The following FAIM variants were observed in gnomAD, a reference collection of about 807,000 sequenced individuals.
FAIM encodes the protein fas apoptotic inhibitory molecule 1.
Under a neutral mutation model 21.2 loss-of-function variants are expected in FAIM, and 14 were observed. The ratio of observed to expected loss-of-function variants is 0.66; its 90% CI spans 0.44 to 1.03. The LOEUF (loss-of-function observed/expected upper bound fraction) is 1.03. Ranked by LOEUF, FAIM falls within the 50% of genes least tolerant of loss-of-function variation. FAIM has a pLI of 0.00. For synonymous variants in FAIM, 86 were observed against 80.4 expected, an observed-to-expected ratio of 1.07 and a Z score of -0.37; for missense variants, 222 against 247.1, an observed-to-expected ratio of 0.90 and a Z score of 0.68.
intron 4 of FAIM, among the ~76,000 whole-genome samples, chr3:138,623,050 A>T (rs2042904777): frequency 1.3e-5 from 2 of 152,092 alleles, no homozygotes; most frequent in Non-Finnish European, 2.9e-5. Context: ...AAAAAAAAAA[A>T]AAAGTAATAT....
chr3:138,632,420 T>C (rs1409843267), intron 5 of FAIM, among the ~76,000 whole-genome samples: 1 of 152,122 alleles, frequency 6.6e-6, no homozygotes, highest in African/African-American at 2.4e-5. Flanking sequence ...CAGTGGCTAC[T>C]GTATTGAACA....
chr3:138,631,139 CAAA>C (rs202159717), intron 5 of FAIM: 8 of 84,418 alleles, frequency 9.5e-5, no homozygotes, highest in Admixed American at 1.3e-4. Context: ...GACCCTGTCT[CAAA>C]AAAAAAAAAA....
At chr3:138,614,645 T>G (rs979515055) in intron 1 of FAIM, among the ~76,000 whole-genome samples, 3 of 152,056 alleles carry the variant, frequency 2.0e-5, no homozygotes, top group African/African-American at 7.2e-5. Context: ...TAGAAAAATT[T>G]AAAAGACATG....
At position 138,617,911 on chromosome 3, in the gene FAIM, A is replaced by G. The variant is rs549007161; in HGVS notation, c.-16-1800A>G. Among the ~76,000 whole-genome samples the G allele has an allele frequency of 5.5e-5, 8 of 146,726 alleles. No individual in the cohort carries two copies. The South Asian group carries it at 1.7e-3, about 31-fold the overall frequency. On this transcript the variant is annotated intron_variant, in intron 1 of 5. Coordinates refer to ENST00000360570, the MANE Select transcript of FAIM (RefSeq NM_001033031.2). ...TATAGATATAGATACTATATATACT[A>G]TATTATATATAGTATATTTAGTATA...
intron 5 of FAIM, 189 bp downstream of exon 5, chr3:138,629,345 G>A: frequency 4.1e-6 from 2 of 489,554 alleles, no homozygotes; most frequent in South Asian, 6.1e-5. Flanking sequence ...CCGTGAGTTT[G>A]GAAACAACTC....
Position 138,615,857 on chromosome 3 carries a change from C to T in FAIM, c.-16-3854C>T, listed in dbSNP as rs112228127. 3.5e-3 allele frequency among the ~76,000 whole-genome samples: 529 copies of T among 152,268 alleles called. 2 individuals are homozygous for T. Among genetic ancestry groups the T allele is most frequent in the African/African-American group, 0.012 (506 of 41,548 alleles). On this transcript the variant is annotated intron_variant, in intron 1 of 5. Transcript: ENST00000360570. The stretch of plus-strand genomic sequence containing the variant: ...AATTGGAATGGAATGTGTAAACTGA[C>T]AGAGGTCATAAGACTAGTGAAACTG...
chr3:138,622,241 T>C lies in FAIM; in HGVS notation c.231T>C (p.Tyr77=), dbSNP rs756668163. ...AATTAGTGGGCAAAGAAACATTCTA[T>C]GTTGGAGCTGCAAAGACAAAAGCGA... ...MFKLVGKETF[Y]VGAAKTKATI... Residue 77 remains tyrosine, a synonymous_variant, in exon 4 of 6, where the codon TAT becomes TAC. Transcript: ENST00000360570. 3.1e-5 allele frequency: 50 copies of C among 1,613,746 alleles called. No homozygotes were observed. The highest frequency in any genetic ancestry group is 4.2e-5 in the Non-Finnish European group (49 of 1,179,956).
chr3:138,632,831 T>C, intron 5 of FAIM, 99 bp from the exon 6 acceptor site: 1 of 1,166,516 alleles, frequency 8.6e-7, no homozygotes, highest in South Asian at 2.0e-5. Context: ...AACTAATACA[T>C]TATTTTATTG....
At chr3:138,628,251 A>G (rs2042961026) in intron 4 of FAIM, among the ~76,000 whole-genome samples, 1 of 152,150 alleles carries the variant, frequency 6.6e-6, no homozygotes. Flanking sequence ...AAAGGAATAG[A>G]CATTATTGTA....
chr3:138,620,093 G>A (rs940768334), intron 2 of FAIM, among the ~76,000 whole-genome samples: 18 of 152,180 alleles, frequency 1.2e-4, no homozygotes, highest in African/African-American at 4.3e-4. Flanking sequence ...AGATTAGGGC[G>A]AACAAAGAGG....
rs1211208979 is a variant in FAIM, at chr3:138,609,614, ACTCT to A, written c.-17+701_-17+704del. ...CTCGACTCTCTCTCTCTCTCTCTCG[ACTCT>A]CTCTCTCTCTCTCTCTCTCTCTCGA... On this transcript the variant is annotated intron_variant, in intron 1 of 5. Transcript: ENST00000360570. 3.3e-3 allele frequency among the ~76,000 whole-genome samples: 84 copies of A among 25,388 alleles called. 1 individual carries two copies. The highest frequency in any genetic ancestry group is 0.11 in the Middle Eastern group (2 of 18). 16.7% of individuals were successfully genotyped at this position (25,388 alleles called of 152,430 possible).
chr3:138,633,190 A>T lies in FAIM; in HGVS notation c.*111A>T, dbSNP rs928398756. On this transcript the variant is annotated 3_prime_UTR_variant, in exon 6 of 6. Coordinates refer to ENST00000360570, the MANE Select transcript of FAIM (RefSeq NM_001033031.2). ...TTAGTCTGCAATGTTTTAATTTTTT[A>T]AAAAGTTACATGAAACTAACATTCC... The T allele has an allele frequency of 9.5e-6, 9 of 947,408 alleles. No homozygotes were observed. The highest frequency in any genetic ancestry group is 3.7e-5 in the Admixed American group (1 of 26,766). 58.7% of individuals were successfully genotyped at this position (947,408 alleles called of 1,614,324 possible). A position where few individuals can be genotyped will look rare whatever the true frequency, so the allele number is the denominator to read the frequency against.
At chr3:138,620,554 G>A (rs1331652701) in intron 2 of FAIM, among the ~76,000 whole-genome samples, 1 of 152,166 alleles carries the variant, frequency 6.6e-6, no homozygotes, top group African/African-American at 2.4e-5. Flanking sequence ...GGAACGTGGT[G>A]GTGCAATCAT....
intron 4 of FAIM, among the ~76,000 whole-genome samples, chr3:138,628,414 C>A (rs2042963504): frequency 6.6e-6 from 1 of 152,070 alleles, no homozygotes; most frequent in Non-Finnish European, 1.5e-5. Context: ...TATTGAAGGG[C>A]ATTTTGTATG....
rs997989898 is a variant in FAIM, at chr3:138,622,499, A to G, written c.406+83A>G. The G allele has an allele frequency of 1.2e-5, 11 of 907,814 alleles. No homozygotes were observed. The South Asian group carries it at 1.6e-4, about 14-fold the overall frequency. 56.2% of individuals were successfully genotyped at this position (907,814 alleles called of 1,614,324 possible). A position where few individuals can be genotyped will look rare whatever the true frequency, so the allele number is the denominator to read the frequency against. ...TCCTGTAACTGTATTCAGACCTTCT[A>G]TGGAGGTTTGAAAAGAAGAGGGAGT... On this transcript the variant is annotated intron_variant, in intron 4 of 5. Transcript: ENST00000360570.
chr3:138,611,112 C>A, intron 1 of FAIM: 2 of 1,118,968 alleles, frequency 1.8e-6, no homozygotes, highest in Non-Finnish European at 2.7e-6. Flanking sequence ...TAGAATATGA[C>A]ATGTGTTTAT....
At chr3:138,623,336 G>A (rs1358890770) in intron 4 of FAIM, among the ~76,000 whole-genome samples, 3 of 151,880 alleles carry the variant, frequency 2.0e-5, no homozygotes, top group Admixed American at 1.3e-4. Flanking sequence ...AGTTTTACTC[G>A]TGTTCTCTAT....
chr3:138,621,441 G>A lies in FAIM; in HGVS notation c.79G>A (p.Val27Ile), dbSNP rs201485286. 121 of 1,613,794 alleles carry A rather than the reference G, an allele frequency of 7.5e-5. 2 individuals carry two copies. Among genetic ancestry groups the A allele is most frequent in the South Asian group, 5.2e-4 (47 of 91,078 alleles). Residue 27 changes from valine to isoleucine, a missense_variant, in exon 3 of 6, where the codon GTA (valine) becomes ATA (isoleucine). By Grantham distance (29) the Val-to-Ile change is conservative. Coordinates refer to ENST00000360570, the MANE Select transcript of FAIM (RefSeq NM_001033031.2). ...PYSLEKMTDL[V>I]AVWDVALSDG... ...CAGCCTAGAAAAAATGACAGATCTC[G>A]TAGCTGTTTGGGATGTTGCTTTAAG...
At chr3:138,613,552 A>G (rs2042794101) in intron 1 of FAIM, among the ~76,000 whole-genome samples, 1 of 152,144 alleles carries the variant, frequency 6.6e-6, no homozygotes, top group Non-Finnish European at 1.5e-5. Context: ...GTGCAATCAC[A>G]GCTCACCTGC....
Sources: allele counts gnomAD v4.1 joint callset (sites outside exome capture counted in the v4.1 genomes callset), GRCh38; gene constraint gnomAD v4.1.1; transcripts MANE v1.5; gene names NCBI Gene and HGNC (gene_info 2026-07-23, HGNC 2026-07-21).